RNF216: variants seen among roughly 807,000 people sequenced by gnomAD.
The protein encoded by RNF216 is ring finger protein 216.
Under a neutral mutation model 110.8 loss-of-function variants are expected in RNF216, and 72 were observed. The ratio of observed to expected loss-of-function variants is 0.65; its 90% CI spans 0.54 to 0.79. The LOEUF (loss-of-function observed/expected upper bound fraction) is 0.79. Among genes scored for constraint, RNF216 ranks in the 30% least tolerant of loss-of-function variants. RNF216 has a pLI of 0.00. For synonymous variants in RNF216, 495 were observed against 407.5 expected, an observed-to-expected ratio of 1.21 and a Z score of -2.59; for missense variants, 1,342 against 1,141.2, an observed-to-expected ratio of 1.18 and a Z score of -2.54.
In RNF216 at chr7:5,741,053, C is replaced by G. The variant is rs1363902426; in HGVS notation, c.964G>C (p.Glu322Gln). 6.2e-7 allele frequency: 1 copy of G among 1,614,014 alleles called. No individual in the cohort carries two copies. Among genetic ancestry groups the G allele is most frequent in the Non-Finnish European group, 8.5e-7 (1 of 1,180,046 alleles). ...GPAFPMQESQ[E>Q]PNLENIWGQE... The stretch of plus-strand genomic sequence containing the variant: ...CCCCAAATGTTTTCCAAATTGGGCT[C>G]TTGAGATTCTTGCATTGGAAAGGCT... The change falls in exon 4 of 17, where the codon GAG becomes CAG. Residue 322 changes from glutamate (E) to glutamine (Q), a missense_variant. Transcript: ENST00000389902.
chr7:5,777,883 G>A (rs1361159355), intron 1 of RNF216, among the ~76,000 whole-genome samples: 1 of 152,100 alleles, frequency 6.6e-6, no homozygotes, highest in Non-Finnish European at 1.5e-5. Context: ...AAAACATCAA[G>A]ATTTTCTTCA....
intron 10 of RNF216, among the ~76,000 whole-genome samples, chr7:5,715,498 ACTCAGATG>A (rs930253991): frequency 2.5e-4 from 38 of 152,136 alleles, no homozygotes; most frequent in Non-Finnish European, 5.9e-5. Flanking sequence ...GAACATCTGT[ACTCAGATG>A]CTAATGTGAT....
At position 5,680,094 on chromosome 7, in the gene RNF216, AG is replaced by A. The variant is rs1305178315; in HGVS notation, c.2062-27585del. Among the ~76,000 whole-genome samples, 4 of 152,170 alleles carry A rather than the reference AG, an allele frequency of 2.6e-5. No individual in the cohort carries two copies. The highest frequency in any genetic ancestry group is 9.7e-5 in the African/African-American group (4 of 41,430). ...CATGGATAGACTTCCTGCTGCAATC[AG>A]GAAGAAGTCCACGTTCTTCACACAA... On this transcript the variant is annotated intron_variant, in intron 13 of 16. Coordinates refer to ENST00000389902, the MANE Select transcript of RNF216 (RefSeq NM_207111.4). The surrounding 1 kb of genome is among the most constrained non-coding windows in gnomAD (Gnocchi z 4.3).
chr7:5,735,233 T>TG (rs1483130245), intron 5 of RNF216, among the ~76,000 whole-genome samples: 1 of 152,140 alleles, frequency 6.6e-6, no homozygotes, highest in Non-Finnish European at 1.5e-5. Context: ...ACACTGCCCT[T>TG]GGGGACTTGA....
In RNF216 at chr7:5,648,501, G is replaced by A. The variant is rs368341165; in HGVS notation, c.2159+3912C>T. ...AGCACTGTGGGAGGCCAAGGCAGGC[G>A]GATCATGAGGTCAGGAGATCGAGAC... On this transcript the variant is annotated intron_variant, in intron 14 of 16. Transcript: ENST00000389902. Among the ~76,000 whole-genome samples, 6 of 151,536 alleles carry A rather than the reference G, an allele frequency of 4.0e-5. No individual in the cohort carries two copies. In the East Asian group the frequency reaches 5.9e-4, roughly 15 times the overall value.
At chr7:5,660,644 C>G (rs988708698) in intron 13 of RNF216, among the ~76,000 whole-genome samples, 6 of 151,872 alleles carry the variant, frequency 4.0e-5, no homozygotes, top group African/African-American at 1.5e-4. Context: ...GTGGCACAAT[C>G]TTGGCTCACT....
intron 13 of RNF216, among the ~76,000 whole-genome samples, chr7:5,708,023 G>A (rs748294894): frequency 1.1e-4 from 16 of 152,044 alleles, no homozygotes; most frequent in African/African-American, 4.8e-5. Context: ...CACCATGCCC[G>A]GACAGTGTGT....
At chr7:5,648,727 CAAA>C (rs10684747) in intron 14 of RNF216, among the ~76,000 whole-genome samples, 4 of 89,944 alleles carry the variant, frequency 4.4e-5, no homozygotes, top group African/African-American at 7.1e-5. Context: ...GACTCTGTCT[CAAA>C]AAAAAAAAAA....
chr7:5,713,656 G>T (rs1035844234), intron 11 of RNF216, among the ~76,000 whole-genome samples: 2 of 152,172 alleles, frequency 1.3e-5, no homozygotes, highest in African/African-American at 4.8e-5. Context: ...TACTCACACA[G>T]CTTTCAAACA....
chr7:5,678,127 C>T (rs1003631371), intron 13 of RNF216, among the ~76,000 whole-genome samples: 25 of 152,082 alleles, frequency 1.6e-4, no homozygotes, highest in Non-Finnish European at 1.3e-4. Flanking sequence ...CAAAGGGCCC[C>T]GGCTACATAA....
At chr7:5,730,473 G>A (rs1315663917) in intron 6 of RNF216, among the ~76,000 whole-genome samples, 4 of 152,130 alleles carry the variant, frequency 2.6e-5, no homozygotes, top group Admixed American at 6.5e-5. Context: ...ATTCTTTGTG[G>A]GAAAAGGAAG....
At position 5,741,106 on chromosome 7, in the gene RNF216, A is replaced by G. The variant is rs578234841; in HGVS notation, c.911T>C (p.Leu304Ser). The G allele has an allele frequency of 6.2e-7, 1 of 1,614,064 alleles. No homozygotes were observed. The highest frequency in any genetic ancestry group is 1.3e-5 in the African/African-American group (1 of 74,988). ...ACCTGGCTCTTCATCATCACTTGCT[A>G]ACTGCTGGTCTTCAAACTCTCCTAG... Reference protein sequence around the residue: ...HPLGEFEDQQLASDDEEPGPA... With the variant: ...HPLGEFEDQQSASDDEEPGPA... The change falls in exon 4 of 17, where the codon TTA (leucine) becomes TCA (serine). Residue 304 changes from leucine (L) to serine (S), a missense_variant. Coordinates refer to ENST00000389902, the MANE Select transcript of RNF216 (RefSeq NM_207111.4).
At chr7:5,646,856 T>A (rs997518594) in intron 14 of RNF216, among the ~76,000 whole-genome samples, 2 of 152,148 alleles carry the variant, frequency 1.3e-5, no homozygotes, top group African/African-American at 4.8e-5. Flanking sequence ...CTGAGTTGAC[T>A]CAGCCAGGTC....
intron 4 of RNF216, among the ~76,000 whole-genome samples, chr7:5,740,104 CT>C (rs71004698): frequency 8.4e-5 from 10 of 118,474 alleles, no homozygotes; most frequent in African/African-American, 3.1e-4. Flanking sequence ...GATGTAACAC[CT>C]TTTTTTTTTT....
At chr7:5,732,840 T>G (rs1794171974) in intron 5 of RNF216, 2 of 152,222 alleles carry the variant, frequency 1.3e-5, no homozygotes, top group South Asian at 4.1e-4. Flanking sequence ...TCTAGAGAAG[T>G]CACTCCTGCA....
chr7:5,711,885 C>G, intron 12 of RNF216, 46 bp from the exon 13 acceptor site: 1 of 1,554,428 alleles, frequency 6.4e-7, no homozygotes, highest in Non-Finnish European at 8.9e-7. Flanking sequence ...ACATTAAAGC[C>G]TGATCTGGTT....
chr7:5,725,938 T>A (rs1793726167), intron 7 of RNF216, among the ~76,000 whole-genome samples: 3 of 151,554 alleles, frequency 2.0e-5, no homozygotes, highest in Admixed American at 2.0e-4. Flanking sequence ...GGTACGGTGG[T>A]GGAAGCAAAA....
At position 5,707,871 on chromosome 7, in the gene RNF216, G is replaced by A. The variant is rs1293013840; in HGVS notation, c.2061+3890C>T. Reference sequence around the variant, plus strand: ...CTCCCAAGTAGCTGCGATTACAGGCGCACGCAACCACACCCAGCTAAATTT... The same window carrying A: ...CTCCCAAGTAGCTGCGATTACAGGCACACGCAACCACACCCAGCTAAATTT... On this transcript the variant is annotated intron_variant, in intron 13 of 16. Transcript: ENST00000389902. 2.6e-5 allele frequency among the ~76,000 whole-genome samples: 4 copies of A among 152,098 alleles called. No individual in the cohort carries two copies. In the East Asian group the frequency reaches 7.7e-4, roughly 29 times the overall value.
intron 13 of RNF216, among the ~76,000 whole-genome samples, chr7:5,695,964 A>C (rs1450952823): frequency 6.6e-6 from 1 of 152,196 alleles, no homozygotes; most frequent in Admixed American, 6.5e-5. Flanking sequence ...AACAGACTTC[A>C]TTTCCTCACA....
Sources: gnomAD v4.1 joint callset for allele counts (sites outside exome capture counted in the v4.1 genomes callset) on GRCh38, gnomAD v4.1.1 for gene constraint, Gnocchi (gnomAD v3.1) non-coding constraint, MANE v1.5 for transcripts, NCBI Gene and HGNC (gene_info 2026-07-23, HGNC 2026-07-21) for gene names.